SLC39A10: variants seen among roughly 807,000 people sequenced by gnomAD.
SLC39A10 encodes the protein zinc transporter ZIP10.
In SLC39A10, 13 loss-of-function variants were observed where a neutral mutation model predicts 65.1. The observed-to-expected ratio is 0.20, with a 90% CI of 0.13 to 0.32. The LOEUF (loss-of-function observed/expected upper bound fraction) is 0.32, where lower values mean the gene tolerates loss of function less well. Among genes scored for constraint, SLC39A10 ranks in the 10% least tolerant of loss-of-function variants. The pLI is 1.00. For synonymous variants in SLC39A10, 321 were observed against 342.2 expected, an observed-to-expected ratio of 0.94 and a Z score of 0.68; for missense variants, 831 against 1,018.4, an observed-to-expected ratio of 0.82 and a Z score of 2.50.
At chr2:195,733,917 T>C (rs1692504043) in intron 9 of SLC39A10, among the ~76,000 whole-genome samples, 2 of 152,116 alleles carry the variant, frequency 1.3e-5, no homozygotes, top group Non-Finnish European at 2.9e-5. Context: ...GAGAATACAC[T>C]GTGAGGGCAG....
chr2:195,725,141 A>G lies in SLC39A10; in HGVS notation c.2147-3018A>G, dbSNP rs112240261. 5.3e-3 allele frequency among the ~76,000 whole-genome samples: 802 copies of G among 152,266 alleles called. 3 individuals are homozygous for G. The highest frequency in any genetic ancestry group is 9.7e-3 in the Non-Finnish European group (657 of 67,982). The stretch of plus-strand genomic sequence containing the variant: ...ATATCTCACTATAGAAAAAACAATG[A>G]ACTCAAAGTAGGTAATCTAAATGGA... On this transcript the variant is annotated intron_variant, in intron 8 of 9. Transcript: ENST00000359634.
chr2:195,734,533 A>T (rs980457993), intron 9 of SLC39A10, among the ~76,000 whole-genome samples: 1 of 152,132 alleles, frequency 6.6e-6, no homozygotes, highest in African/African-American at 2.4e-5. Context: ...CGGTTTTTGG[A>T]GTGTCTTATT....
intron 8 of SLC39A10, among the ~76,000 whole-genome samples, chr2:195,725,626 T>G (rs1443340034): frequency 6.6e-6 from 1 of 152,130 alleles, no homozygotes; most frequent in East Asian, 1.9e-4. Flanking sequence ...CCAAGAGAAA[T>G]GAAAACTTAT....
chr2:195,734,151 T>C (rs908748498), intron 9 of SLC39A10, among the ~76,000 whole-genome samples: 1 of 94,016 alleles, frequency 1.1e-5, no homozygotes, highest in Non-Finnish European at 2.3e-5. Flanking sequence ...AGAATCTTCC[T>C]TTTTTTTTAA....
chr2:195,681,039 C>T lies in SLC39A10; in HGVS notation c.997C>T (p.His333Tyr), dbSNP rs1458960282. 1.9e-6 allele frequency: 3 copies of T among 1,606,060 alleles called. No homozygotes were observed. The highest frequency in any genetic ancestry group is 1.1e-5 in the South Asian group (1 of 89,926). The change falls in exon 2 of 10, where the codon CAT (histidine) becomes TAT (tyrosine). Residue 333 changes from histidine (H) to tyrosine (Y), a missense_variant. Transcript: ENST00000359634. ...GAGAAAAGATCTAAATGAAGATGACCATCATCATGAAGTAAGTATAAAAAG... is the reference window on the plus strand; with the variant it reads ...GAGAAAAGATCTAAATGAAGATGACTATCATCATGAAGTAAGTATAAAAAG... ...SLRKDLNEDD[H>Y]HHECLNVTQL...
intron 9 of SLC39A10, among the ~76,000 whole-genome samples, chr2:195,734,391 G>A (rs1260931910): frequency 1.3e-5 from 2 of 151,962 alleles, no homozygotes; most frequent in East Asian, 3.9e-4. Context: ...TTGAACTCCT[G>A]ACCCCATGAT....
At chr2:195,691,472 A>C (rs1690736999) in intron 3 of SLC39A10, among the ~76,000 whole-genome samples, 1 of 152,220 alleles carries the variant, frequency 6.6e-6, no homozygotes, top group Non-Finnish European at 1.5e-5. Context: ...ACTAGTTTAC[A>C]TTCCCACCAG....
chr2:195,715,537 A>G (rs1691769194), intron 6 of SLC39A10, among the ~76,000 whole-genome samples: 1 of 151,406 alleles, frequency 6.6e-6, no homozygotes, highest in Non-Finnish European at 1.5e-5. Context: ...AAAAAAAAAA[A>G]AAAAAAAAAA....
At position 195,737,694 on chromosome 2, in the gene SLC39A10, G is replaced by C; in HGVS notation, c.*2653G>C. ...CCTCCAAAATAAAGTTACTCAAAGA[G>C]AGCAAATATGCCAGTGTGTTTTCTT... On this transcript the variant is annotated 3_prime_UTR_variant, in exon 10 of 10. Coordinates refer to ENST00000359634, the MANE Select transcript of SLC39A10 (RefSeq NM_020342.3). 2.3e-6 allele frequency: 1 copy of C among 425,810 alleles called. No individual in the cohort carries two copies. Among genetic ancestry groups the C allele is most frequent in the Non-Finnish European group, 4.3e-6 (1 of 234,156 alleles). 26.4% of individuals were successfully genotyped at this position (425,810 alleles called of 1,614,324 possible).
chr2:195,728,472 A>G lies in SLC39A10; in HGVS notation c.2337+123A>G. On this transcript the variant is annotated intron_variant, in intron 9 of 9. Coordinates refer to ENST00000359634, the MANE Select transcript of SLC39A10 (RefSeq NM_020342.3). This position sits in a 1 kb window ranked among gnomAD's most constrained non-coding sequence, Gnocchi z 4.4. ...TTTTAAAGACATAATATCCTAAATAATCTCTTAAGGAAGGACATTTAAGTA... is the reference window on the plus strand; with the variant it reads ...TTTTAAAGACATAATATCCTAAATAGTCTCTTAAGGAAGGACATTTAAGTA... The G allele has an allele frequency of 1.1e-6, 1 of 919,738 alleles. No individual in the cohort carries two copies. Among genetic ancestry groups the G allele is most frequent in the South Asian group, 2.1e-5 (1 of 47,302 alleles). 57.0% of individuals were successfully genotyped at this position (919,738 alleles called of 1,614,324 possible). A position where few individuals can be genotyped will look rare whatever the true frequency, so the allele number is the denominator to read the frequency against.
intron 2 of SLC39A10, among the ~76,000 whole-genome samples, chr2:195,629,714 T>A (rs1294000425): frequency 6.6e-6 from 1 of 152,194 alleles, no homozygotes; most frequent in African/African-American, 2.4e-5. Context: ...CAAACTTTCT[T>A]TTCTGATGGC....
intron 2 of SLC39A10, among the ~76,000 whole-genome samples, chr2:195,621,249 C>G (rs1240191008): frequency 3.3e-5 from 5 of 152,188 alleles, no homozygotes; most frequent in Non-Finnish European, 5.9e-5. Context: ...TTTGAATATA[C>G]ATTATTTAGG....
At chr2:195,630,123 G>GTT (rs1688556122) in intron 2 of SLC39A10, among the ~76,000 whole-genome samples, 1 of 146,866 alleles carries the variant, frequency 6.8e-6, no homozygotes, top group Non-Finnish European at 1.5e-5. Context: ...GTGTGTGTGT[G>GTT]TGTGTGTGTG....
In SLC39A10 at chr2:195,737,305, G is replaced by T. The variant is rs1470723941; in HGVS notation, c.*2264G>T. 2 of 152,716 alleles carry T rather than the reference G, an allele frequency of 1.3e-5. No individual in the cohort carries two copies. Among genetic ancestry groups the T allele is most frequent in the African/African-American group, 2.4e-5 (1 of 41,402 alleles). 9.5% of individuals were successfully genotyped at this position (152,716 alleles called of 1,614,324 possible). The stretch of plus-strand genomic sequence containing the variant: ...CTAATTTAAAATGTGTTTGTTGGAG[G>T]TCATTAACGTTACTTGTACAATGCT... On this transcript the variant is annotated 3_prime_UTR_variant, in exon 10 of 10. Transcript: ENST00000359634.
intron 2 of SLC39A10, among the ~76,000 whole-genome samples, chr2:195,621,101 A>T (rs1688340445): frequency 6.6e-6 from 1 of 152,194 alleles, no homozygotes; most frequent in Admixed American, 6.5e-5. Context: ...TCTAAGATAT[A>T]ATTTATTCAT....
At chr2:195,719,100 A>G (rs562375433) in intron 8 of SLC39A10, among the ~76,000 whole-genome samples, 2 of 151,768 alleles carry the variant, frequency 1.3e-5, no homozygotes, top group Non-Finnish European at 2.9e-5. Flanking sequence ...TACACTTTCA[A>G]CTATAGTAAT....
At chr2:195,714,605 TC>T (rs1358940144) in intron 6 of SLC39A10, among the ~76,000 whole-genome samples, 1 of 151,962 alleles carries the variant, frequency 6.6e-6, no homozygotes, top group Non-Finnish European at 1.5e-5. Context: ...TGTGGAAAAA[TC>T]CCTCTTGAAG....
intron 2 of SLC39A10, among the ~76,000 whole-genome samples, 165 bp from the exon 3 acceptor site, chr2:195,683,534 C>A (rs1164983143): frequency 6.6e-6 from 1 of 151,954 alleles, no homozygotes; most frequent in Non-Finnish European, 1.5e-5. Context: ...TTGAGTGTAT[C>A]CCTATTACAA....
At chr2:195,613,473 A>G (rs1688141582) in intron 2 of SLC39A10, among the ~76,000 whole-genome samples, 1 of 152,218 alleles carries the variant, frequency 6.6e-6, no homozygotes, top group Admixed American at 6.5e-5. Flanking sequence ...CTCTGATTAT[A>G]TTCTTAGAGT....
Sources: allele counts gnomAD v4.1 joint callset (sites outside exome capture counted in the v4.1 genomes callset), GRCh38; gene constraint gnomAD v4.1.1; non-coding constraint Gnocchi (gnomAD v3.1); transcripts MANE v1.5; gene names NCBI Gene and HGNC (gene_info 2026-07-23, HGNC 2026-07-21).